PKHD1: variants seen among roughly 807,000 people sequenced by gnomAD.
The protein encoded by PKHD1 is fibrocystin.
In PKHD1, 291 loss-of-function variants were observed where a neutral mutation model predicts 412.0. The ratio of observed to expected loss-of-function variants is 0.71; its 90% confidence interval spans 0.64 to 0.78. The LOEUF (loss-of-function observed/expected upper bound fraction) is 0.78. PKHD1 is among the 30% of genes least tolerant of loss of function. The pLI is 0.00. For missense variants in PKHD1, 4,825 were observed against 4,950.7 expected, an observed-to-expected ratio of 0.97 and a Z score of 0.76; for synonymous variants, 1,777 against 1,821.5, an observed-to-expected ratio of 0.98 and a Z score of 0.62.
chr6:51,625,093 C>T (rs539280159), intron 66 of PKHD1, among the ~76,000 whole-genome samples: 3 of 152,208 alleles, frequency 2.0e-5, no homozygotes, highest in Non-Finnish European at 2.9e-5. Flanking sequence ...GCACCCTGAC[C>T]GTACCATGCC....
In PKHD1 at chr6:51,626,995, A is replaced by C. The variant is rs758637437; in HGVS notation, c.11785+2T>G. 3 of 1,613,102 alleles carry C rather than the reference A, an allele frequency of 1.9e-6. No individual in the cohort carries two copies. The South Asian group carries it at 3.3e-5, about 18-fold the overall frequency. ...GGGATCATCTCCACCCTCCAAGCTTACCTTCTCCCACCACAGTGTCTTCTT... is the reference window on the plus strand; with the variant it reads ...GGGATCATCTCCACCCTCCAAGCTTCCCTTCTCCCACCACAGTGTCTTCTT... On this transcript the variant is annotated splice_donor_variant, in intron 66 of 66. Transcript: ENST00000371117. LOFTEE classifies it high-confidence loss of function.
intron 52 of PKHD1, among the ~76,000 whole-genome samples, chr6:51,798,700 G>A (rs759733324): frequency 2.0e-5 from 3 of 152,092 alleles, no homozygotes; most frequent in African/African-American, 4.8e-5. Context: ...TTTCCTGGAC[G>A]ATATCCTAAA....
intron 22 of PKHD1, among the ~76,000 whole-genome samples, chr6:52,048,962 A>C (rs775928836): frequency 1.3e-5 from 2 of 152,190 alleles, no homozygotes; most frequent in African/African-American, 2.4e-5. Context: ...ACATTTAGTC[A>C]AGGAAAGTAA....
intron 9 of PKHD1, 142 bp downstream of exon 9, chr6:52,070,864 G>A (rs1366863182): frequency 2.9e-6 from 2 of 691,936 alleles, no homozygotes; most frequent in Non-Finnish European, 5.3e-6. Flanking sequence ...TCATATAGTA[G>A]TATTTTCCAG....
At chr6:51,974,762 GT>G (rs1306605325) in intron 35 of PKHD1, among the ~76,000 whole-genome samples, 6 of 152,162 alleles carry the variant, frequency 3.9e-5, no homozygotes, top group Admixed American at 2.0e-4. Flanking sequence ...AGTGCACACT[GT>G]TTGAGTGATG....
intron 60 of PKHD1, among the ~76,000 whole-genome samples, chr6:51,733,036 T>C (rs1783410453): frequency 6.6e-6 from 1 of 152,174 alleles, no homozygotes; most frequent in East Asian, 1.9e-4. Flanking sequence ...TGATTCTACT[T>C]ATATGAGGTA....
chr6:51,923,505 A>C (rs1261351035), intron 37 of PKHD1, among the ~76,000 whole-genome samples: 2 of 150,888 alleles, frequency 1.3e-5, no homozygotes, highest in Admixed American at 6.6e-5. Context: ...ACAGACACAA[A>C]TGTGAAAAAA....
chr6:51,942,600 C>T (rs948305769), intron 36 of PKHD1, among the ~76,000 whole-genome samples: 2 of 151,430 alleles, frequency 1.3e-5, no homozygotes, highest in African/African-American at 4.8e-5. Context: ...CCACACCTGA[C>T]CCCCATGACT....
At chr6:51,847,488 G>T (rs1405010806) in intron 50 of PKHD1, among the ~76,000 whole-genome samples, 2 of 152,108 alleles carry the variant, frequency 1.3e-5, no homozygotes, top group South Asian at 4.1e-4. Context: ...AGTTTTACAT[G>T]TTATTCTTTA....
At chr6:52,041,078 C>G (rs920812559) in intron 27 of PKHD1, among the ~76,000 whole-genome samples, 1 of 152,152 alleles carries the variant, frequency 6.6e-6, no homozygotes, top group Non-Finnish European at 1.5e-5. Flanking sequence ...AATGCTATCT[C>G]AGCACAAAAA....
intron 51 of PKHD1, among the ~76,000 whole-genome samples, chr6:51,833,016 C>T (rs1213925697): frequency 2.0e-5 from 3 of 152,070 alleles, no homozygotes; most frequent in Non-Finnish European, 2.9e-5. Flanking sequence ...AGTTTTTTCC[C>T]AATGTTGCCT....
intron 53 of PKHD1, among the ~76,000 whole-genome samples, chr6:51,776,339 G>A (rs1791022629): frequency 6.6e-6 from 1 of 151,922 alleles, no homozygotes; most frequent in African/African-American, 2.4e-5. Flanking sequence ...TCTCTACCAT[G>A]AATACAGAAT....
intron 55 of PKHD1, among the ~76,000 whole-genome samples, chr6:51,759,428 T>C (rs1052574993): frequency 1.3e-5 from 2 of 152,062 alleles, no homozygotes; most frequent in African/African-American, 4.8e-5. Flanking sequence ...CCCCTGGAAT[T>C]TTGAATGAAA....
intron 53 of PKHD1, among the ~76,000 whole-genome samples, chr6:51,784,807 C>T (rs1582674042): frequency 6.6e-6 from 1 of 152,106 alleles, no homozygotes; most frequent in Non-Finnish European, 1.5e-5. Context: ...ACTAGCTCTC[C>T]CTCAGCCTGA....
intron 55 of PKHD1, among the ~76,000 whole-genome samples, chr6:51,771,223 CAT>C (rs973023807): frequency 2.9e-4 from 39 of 133,390 alleles, no homozygotes; most frequent in East Asian, 9.6e-4. Flanking sequence ...CACACACACA[CAT>C]GCACATAACC....
At chr6:51,958,326 G>C (rs926871827) in intron 36 of PKHD1, among the ~76,000 whole-genome samples, 1 of 152,110 alleles carries the variant, frequency 6.6e-6, no homozygotes, top group African/African-American at 2.4e-5. Context: ...TAATATGAGA[G>C]TGAAATATTA....
chr6:51,944,215 C>G (rs1445583867), intron 36 of PKHD1, among the ~76,000 whole-genome samples: 2 of 151,878 alleles, frequency 1.3e-5, no homozygotes, highest in African/African-American at 2.4e-5. Flanking sequence ...TCAAAAAGCT[C>G]CCCCACTGAG....
rs547211410 is a variant in PKHD1 at position 52,053,498 on chromosome 6, A to T, written c.1965-247T>A. On this transcript the variant is annotated intron_variant, in intron 20 of 66. Transcript: ENST00000371117. The stretch of plus-strand genomic sequence containing the variant: ...AGTCAATCATTCATCCATGACATGC[A>T]ATGTCAGCAGCATTTTCAAATTACA... Among the ~76,000 whole-genome samples the T allele has an allele frequency of 2.6e-5, 4 of 152,356 alleles. No homozygotes were observed. In the East Asian group the frequency reaches 5.8e-4, roughly 22 times the overall value.
At chr6:52,024,385 T>TA (rs1056215309) in intron 32 of PKHD1, among the ~76,000 whole-genome samples, 189 bp downstream of exon 32, 27 of 151,926 alleles carry the variant, frequency 1.8e-4, no homozygotes, top group Middle Eastern at 3.4e-3. Context: ...TTGATAAAAA[T>TA]AAAAAAAATC....
Sources: allele counts gnomAD v4.1 joint callset (sites outside exome capture counted in the v4.1 genomes callset), GRCh38; gene constraint gnomAD v4.1.1; transcripts MANE v1.5; gene names NCBI Gene and HGNC (gene_info 2026-07-23, HGNC 2026-07-21).